The following KATNIP variants were observed in gnomAD, a reference collection of about 807,000 sequenced individuals.
KATNIP encodes the protein katanin-interacting protein.
Under a neutral mutation model 174.0 loss-of-function variants are expected in KATNIP, and 126 were observed. The ratio of observed to expected loss-of-function variants is 0.72; its 90% confidence interval spans 0.63 to 0.84. KATNIP has a LOEUF of 0.84. Ranked by LOEUF, KATNIP falls within the 40% of genes least tolerant of loss-of-function variation. KATNIP has a pLI of 0.00. For missense variants in KATNIP, 1,958 were observed against 2,109.7 expected, an observed-to-expected ratio of 0.93 and a Z score of 1.41; for synonymous variants, 810 against 835.7, an observed-to-expected ratio of 0.97 and a Z score of 0.53.
Position 27,719,086 on chromosome 16 carries a change from C to G in KATNIP, c.1606-2472C>G, listed in dbSNP as rs180801478. 1.1e-3 allele frequency among the ~76,000 whole-genome samples: 166 copies of G among 152,310 alleles called. 2 individuals carry two copies. Among genetic ancestry groups the G allele is most frequent in the African/African-American group, 3.9e-3 (161 of 41,568 alleles). On this transcript the variant is annotated intron_variant, in intron 13 of 27. Transcript: ENST00000261588. ...AAGGGACAACTCAGCCAGTGTCAGG[C>G]CTGCAGAGGTTGCTTATTGGCAGAT... is the stretch of plus-strand genomic sequence containing the variant.
chr16:27,745,143 G>A (rs1417728340), intron 15 of KATNIP, among the ~76,000 whole-genome samples: 1 of 152,172 alleles, frequency 6.6e-6, no homozygotes. Context: ...TTGTTTACAG[G>A]TGGAGGAGAT....
In KATNIP at chr16:27,704,089, T is replaced by C. The variant is rs533282280; in HGVS notation, c.1389+91T>C. On this transcript the variant is annotated intron_variant, in intron 12 of 27. Coordinates refer to ENST00000261588, the MANE Select transcript of KATNIP (RefSeq NM_015202.5). ...TCAGTGAGGATTGCTCTGACAGTGG[T>C]TAAATGAGCATCTCTCTGCCTGTGT... is the stretch of plus-strand genomic sequence containing the variant. 5 of 989,614 alleles carry C rather than the reference T, an allele frequency of 5.1e-6. No individual in the cohort carries two copies. In the South Asian group the frequency reaches 5.5e-5, roughly 11 times the overall value. 61.3% of individuals were successfully genotyped at this position (989,614 alleles called of 1,614,324 possible).
intron 13 of KATNIP, among the ~76,000 whole-genome samples, chr16:27,713,515 A>G (rs886467941): frequency 6.6e-6 from 1 of 151,618 alleles, no homozygotes; most frequent in African/African-American, 2.4e-5. Flanking sequence ...TCGAGGCAGG[A>G]GGATCACTTG....
chr16:27,621,263 A>G (rs890840815), intron 3 of KATNIP, among the ~76,000 whole-genome samples: 12 of 151,994 alleles, frequency 7.9e-5, no homozygotes, highest in Non-Finnish European at 2.9e-5. Flanking sequence ...AGGCTGGGTG[A>G]TAGAGTGAGA....
At chr16:27,592,844 T>C (rs978667826) in intron 2 of KATNIP, among the ~76,000 whole-genome samples, 18 of 152,144 alleles carry the variant, frequency 1.2e-4, no homozygotes, top group African/African-American at 4.3e-4. Flanking sequence ...CATGAGCCAC[T>C]GCGCCCAGCT....
intron 6 of KATNIP, among the ~76,000 whole-genome samples, chr16:27,670,575 C>T (rs531152422): frequency 4.2e-4 from 64 of 152,254 alleles, no homozygotes; most frequent in African/African-American, 1.5e-3. Flanking sequence ...ACTTTATTCT[C>T]GAGTTAGACA....
intron 17 of KATNIP, among the ~76,000 whole-genome samples, chr16:27,753,702 C>G (rs1320897461): frequency 6.6e-6 from 1 of 151,940 alleles, no homozygotes; most frequent in Non-Finnish European, 1.5e-5. Context: ...GGTTTGAATT[C>G]TTCCACTTCC....
chr16:27,573,862 A>G, intron 1 of KATNIP, 39 bp from the exon 2 acceptor site: 1 of 1,608,000 alleles, frequency 6.2e-7, no homozygotes, highest in Non-Finnish European at 8.5e-7. Context: ...GCTGTTCTAA[A>G]ACAGCCTTAA....
intron 13 of KATNIP, among the ~76,000 whole-genome samples, chr16:27,719,958 C>G (rs1357595802): frequency 6.6e-6 from 1 of 152,190 alleles, no homozygotes. Flanking sequence ...AGGCATGAGC[C>G]ACTGCACCTG....
At chr16:27,701,264 C>A (rs2079088951) in intron 10 of KATNIP, among the ~76,000 whole-genome samples, 1 of 151,970 alleles carries the variant, frequency 6.6e-6, no homozygotes, top group African/African-American at 2.4e-5. Context: ...CTCAAGTGAT[C>A]CTCCTGCCAC....
At chr16:27,697,315 C>T (rs958355762) in intron 8 of KATNIP, among the ~76,000 whole-genome samples, 1 of 152,156 alleles carries the variant, frequency 6.6e-6, no homozygotes, top group Non-Finnish European at 1.5e-5. Flanking sequence ...TCGCCAGCAT[C>T]TATCTGTTAG....
At chr16:27,641,352 A>G (rs899663723) in intron 5 of KATNIP, among the ~76,000 whole-genome samples, 1 of 152,006 alleles carries the variant, frequency 6.6e-6, no homozygotes, top group Non-Finnish European at 1.5e-5. Flanking sequence ...TACCAAGACA[A>G]GCCACCAGCA....
intron 12 of KATNIP, among the ~76,000 whole-genome samples, chr16:27,707,283 A>G (rs753565451): frequency 1.3e-5 from 2 of 152,158 alleles, no homozygotes; most frequent in Non-Finnish European, 2.9e-5. Flanking sequence ...TGAGTGACTG[A>G]TCCGTGGCGA....
intron 14 of KATNIP, among the ~76,000 whole-genome samples, chr16:27,731,207 A>G (rs1255036954): frequency 6.6e-6 from 1 of 152,106 alleles, no homozygotes. Context: ...GCCTCAACCC[A>G]AACTTAGCAG....
At chr16:27,717,480 A>C (rs2080005326) in intron 13 of KATNIP, among the ~76,000 whole-genome samples, 1 of 151,926 alleles carries the variant, frequency 6.6e-6, no homozygotes, top group African/African-American at 2.4e-5. Context: ...TTTTTCCTAG[A>C]ATGTGTCCCT....
chr16:27,564,620 A>C (rs1444486616), intron 1 of KATNIP, among the ~76,000 whole-genome samples: 1 of 152,116 alleles, frequency 6.6e-6, no homozygotes, highest in African/African-American at 2.4e-5. Flanking sequence ...CAGAAAATGC[A>C]AAGGAAAAGT....
At position 27,740,839 on chromosome 16, in the gene KATNIP, G is replaced by A. The variant is rs1379245134; in HGVS notation, c.2542G>A (p.Glu848Lys). The change falls in exon 15 of 28, where the codon GAG becomes AAG. Residue 848 changes from glutamate (E) to lysine (K), a missense_variant. Coordinates refer to ENST00000261588, the MANE Select transcript of KATNIP (RefSeq NM_015202.5). ...CATCTTTAACCAGCCCCCCAACAGA[G>A]AGCGCCCTGCTAGTGGGAGGAGGGG... ...SDIFNQPPNR[E>K]RPASGRRGSR... The A allele has an allele frequency of 7.4e-6, 12 of 1,613,128 alleles. No homozygotes were observed. Among genetic ancestry groups the A allele is most frequent in the East Asian group, 4.5e-5 (2 of 44,882 alleles).
intron 8 of KATNIP, among the ~76,000 whole-genome samples, chr16:27,696,207 TA>T (rs945591206): frequency 2.6e-5 from 4 of 152,212 alleles, no homozygotes; most frequent in Non-Finnish European, 5.9e-5. Flanking sequence ...CGTGCAAAAG[TA>T]AAACAAAAAA....
chr16:27,638,740 A>AG (rs2076708724), intron 5 of KATNIP, among the ~76,000 whole-genome samples: 1 of 151,818 alleles, frequency 6.6e-6, no homozygotes, highest in African/African-American at 2.4e-5. Context: ...CCCAGTGCAC[A>AG]GTGAGCACCT....
Sources: allele counts gnomAD v4.1 joint callset (sites outside exome capture counted in the v4.1 genomes callset), GRCh38; gene constraint gnomAD v4.1.1; transcripts MANE v1.5; gene names NCBI Gene and HGNC (gene_info 2026-07-23, HGNC 2026-07-21).